MYO18B: variants seen among roughly 807,000 people sequenced by gnomAD.
The protein encoded by MYO18B is myosin XVIIIB, also known as unconventional myosin-XVIIIb.
Under a neutral mutation model 273.0 loss-of-function variants are expected in MYO18B, and 204 were observed. The ratio of observed to expected loss-of-function variants is 0.75; its 90% CI spans 0.67 to 0.84. The LOEUF is 0.84. Among genes scored for constraint, MYO18B ranks in the 40% least tolerant of loss-of-function variants. The probability of loss-of-function intolerance (pLI) is 0.00; values close to 1 mark genes in which losing one functional copy is unlikely to be tolerated. For missense variants in MYO18B, 3,212 were observed against 3,287.6 expected (o/e 0.98, Z 0.56); for synonymous variants, 1,330 against 1,305.7 (o/e 1.02, Z -0.40).
At chr22:25,969,659 T>TA (rs5844662) in intron 39 of MYO18B, among the ~76,000 whole-genome samples, 21,384 of 151,820 alleles carry the variant, frequency 0.14, 1,881 homozygotes, top group Admixed American at 0.26. Context: ...AGAGTAGGCA[T>TA]AAAAAAATAC....
At chr22:25,891,465 C>T (rs2146282699) in intron 27 of MYO18B, 53 bp downstream of exon 27, 1 of 1,231,046 alleles carries the variant, frequency 8.1e-7, no homozygotes, top group Non-Finnish European at 1.2e-6. Flanking sequence ...AGTTGTCTTT[C>T]CCATTTATTC....
chr22:25,983,796 C>T (rs746763571), intron 39 of MYO18B, among the ~76,000 whole-genome samples: 1 of 152,228 alleles, frequency 6.6e-6, no homozygotes, highest in Non-Finnish European at 1.5e-5. Context: ...GACTCTCCTC[C>T]TCCATGAAGC....
intron 33 of MYO18B, among the ~76,000 whole-genome samples, chr22:25,915,040 C>G (rs1402690511): frequency 1.3e-5 from 2 of 150,910 alleles, no homozygotes; most frequent in African/African-American, 4.9e-5. Flanking sequence ...AAGATCTCAA[C>G]AAATTTAAAA....
chr22:25,886,088 A>G (rs1321545835), intron 25 of MYO18B, among the ~76,000 whole-genome samples: 1 of 152,206 alleles, frequency 6.6e-6, no homozygotes, highest in African/African-American at 2.4e-5. Flanking sequence ...GAGCGTTTGC[A>G]CCTTGGTGCC....
intron 25 of MYO18B, among the ~76,000 whole-genome samples, chr22:25,887,537 A>G (rs552008888): frequency 2.0e-5 from 3 of 152,284 alleles, no homozygotes; most frequent in African/African-American, 7.2e-5. Context: ...AGAGGTTTTC[A>G]AGATAATTTC....
At chr22:25,764,212 A>G (rs1194698470) in intron 3 of MYO18B, among the ~76,000 whole-genome samples, 1 of 152,226 alleles carries the variant, frequency 6.6e-6, no homozygotes, top group Non-Finnish European at 1.5e-5. Context: ...CAATAGTTGA[A>G]TGCAATGTGG....
intron 40 of MYO18B, among the ~76,000 whole-genome samples, chr22:25,996,647 G>A (rs1933281583): frequency 6.6e-6 from 1 of 152,084 alleles, no homozygotes; most frequent in Non-Finnish European, 1.5e-5. Context: ...TTGGAGTTAC[G>A]AGGCCAGAGA....
At chr22:25,937,809 T>G (rs2092598610) in intron 34 of MYO18B, among the ~76,000 whole-genome samples, 1 of 152,174 alleles carries the variant, frequency 6.6e-6, no homozygotes, top group Non-Finnish European at 1.5e-5. Context: ...GGTCTTGAAC[T>G]CCTGACCTCA....
intron 34 of MYO18B, among the ~76,000 whole-genome samples, chr22:25,930,046 C>T (rs1005673088): frequency 2.0e-5 from 3 of 152,150 alleles, no homozygotes; most frequent in Non-Finnish European, 2.9e-5. Flanking sequence ...GCTTGGTGTC[C>T]TCTGCACCTG....
At chr22:25,890,665 A>G (rs2091633128) in intron 25 of MYO18B, 91 bp from the exon 26 acceptor site, 6 of 1,523,114 alleles carry the variant, frequency 3.9e-6, no homozygotes, top group Non-Finnish European at 5.3e-6. Flanking sequence ...CATGATAGTG[A>G]TTTGTCCAAA....
chr22:25,893,449 GT>G (rs748725946), intron 27 of MYO18B, among the ~76,000 whole-genome samples: 1 of 152,144 alleles, frequency 6.6e-6, no homozygotes, highest in Non-Finnish European at 1.5e-5. Context: ...AAGGAGAACA[GT>G]TTCCCCTCTT....
intron 25 of MYO18B, among the ~76,000 whole-genome samples, chr22:25,879,733 T>A (rs2091288763): frequency 6.6e-6 from 1 of 152,282 alleles, no homozygotes; most frequent in South Asian, 2.1e-4. Flanking sequence ...ACTGGGTAAT[T>A]TATAAAGAAA....
intron 15 of MYO18B, among the ~76,000 whole-genome samples, chr22:25,831,400 T>C (rs2089701902): frequency 6.6e-6 from 1 of 152,188 alleles, no homozygotes; most frequent in African/African-American, 2.4e-5. Flanking sequence ...TTTTGTTTTT[T>C]AGATGGAGGT....
At chr22:25,744,461 G>A (rs1008524924) in intron 1 of MYO18B, among the ~76,000 whole-genome samples, 2 of 152,216 alleles carry the variant, frequency 1.3e-5, no homozygotes, top group African/African-American at 4.8e-5. Context: ...GCCGGGCGCG[G>A]GGGCTCACGC....
intron 42 of MYO18B, among the ~76,000 whole-genome samples, chr22:26,018,964 A>G (rs1935592651): frequency 6.6e-6 from 1 of 152,194 alleles, no homozygotes; most frequent in Non-Finnish European, 1.5e-5. Context: ...CTCAAAAAAA[A>G]GAAAGGAACG....
chr22:26,000,076 C>T (rs774453512), intron 40 of MYO18B, among the ~76,000 whole-genome samples: 1 of 152,214 alleles, frequency 6.6e-6, no homozygotes, highest in East Asian at 1.9e-4. Context: ...AGGTCATCTG[C>T]CCTTTGGGCC....
chr22:25,806,466 G>A (rs573793890), intron 12 of MYO18B, among the ~76,000 whole-genome samples: 73 of 152,314 alleles, frequency 4.8e-4, no homozygotes, highest in Non-Finnish European at 9.1e-4. Context: ...CCCTCTGCCT[G>A]CATAGTATCC....
At chr22:25,760,050 C>A (rs554651567) in intron 1 of MYO18B, among the ~76,000 whole-genome samples, 1 of 152,300 alleles carries the variant, frequency 6.6e-6, no homozygotes, top group African/African-American at 2.4e-5. Context: ...GCCCTTACCT[C>A]ATCTTCCAAC....
At chr22:26,061,154 TG>T in the MYO18B span, among the ~76,000 whole-genome samples, 55 of 152,360 alleles carry the variant, frequency 3.6e-4, no homozygotes, top group African/African-American at 1.2e-3. Context: ...CACTGTCCTT[TG>T]ACCCTCCAGC....
Sources: allele counts gnomAD v4.1 joint callset (sites outside exome capture counted in the v4.1 genomes callset), GRCh38; gene constraint gnomAD v4.1.1; transcripts MANE v1.5; gene names NCBI Gene and HGNC (gene_info 2026-07-23, HGNC 2026-07-21).